The following CDH13 variants were observed in gnomAD, a reference collection of about 807,000 sequenced individuals.
The protein encoded by CDH13 is cadherin-13.
CDH13 carries 24 observed loss-of-function variants against 63.8 expected under a neutral mutation model. That is an observed-to-expected ratio of 0.38 (90% CI 0.27 to 0.53). CDH13 has a LOEUF of 0.53. CDH13 is among the 20% of genes least tolerant of loss of function. The pLI is 0.85. For synonymous variants in CDH13, 503 were observed against 355.3 expected (o/e 1.42, Z -4.67); for missense variants, 1,049 against 903.1 (o/e 1.16, Z -2.07).
chr16:83,409,100 C>T (rs1243806314), intron 6 of CDH13, among the ~76,000 whole-genome samples: 1 of 151,916 alleles, frequency 6.6e-6, no homozygotes, highest in Non-Finnish European at 1.5e-5. Context: ...CAGGAAACAC[C>T]AGTAGAAAAG....
intron 7 of CDH13, among the ~76,000 whole-genome samples, chr16:83,538,840 C>G (rs1354086765): frequency 6.6e-6 from 1 of 152,144 alleles, no homozygotes; most frequent in Non-Finnish European, 1.5e-5. Context: ...AGTGGAATTC[C>G]TGGTTGAAAG....
chr16:82,783,703 T>C (rs1459335608), intron 1 of CDH13, among the ~76,000 whole-genome samples: 2 of 152,212 alleles, frequency 1.3e-5, no homozygotes, highest in Non-Finnish European at 2.9e-5. Flanking sequence ...TACATATGTA[T>C]TGCTTTGGGA....
intron 1 of CDH13, among the ~76,000 whole-genome samples, chr16:82,675,198 A>T (rs1274193462): frequency 6.6e-6 from 1 of 152,152 alleles, no homozygotes; most frequent in Non-Finnish European, 1.5e-5. Flanking sequence ...TTAGAGGGAG[A>T]TAATTTCATC....
At chr16:82,744,569 C>T (rs2034074866) in intron 1 of CDH13, among the ~76,000 whole-genome samples, 1 of 152,090 alleles carries the variant, frequency 6.6e-6, no homozygotes, top group South Asian at 2.1e-4. Flanking sequence ...TCCCTTTCCC[C>T]TCAGTTCCTG....
intron 1 of CDH13, among the ~76,000 whole-genome samples, chr16:82,845,562 A>G (rs549132090): frequency 6.6e-5 from 10 of 151,824 alleles, no homozygotes; most frequent in Non-Finnish European, 1.5e-4. Flanking sequence ...ACTGTTTCCC[A>G]TCTTTTGTCT....
chr16:83,689,541 A>G (rs1333628033), intron 10 of CDH13, among the ~76,000 whole-genome samples: 1 of 152,224 alleles, frequency 6.6e-6, no homozygotes, highest in Non-Finnish European at 1.5e-5. Flanking sequence ...CTAATTCAAG[A>G]AATGCATTTC....
intron 10 of CDH13, among the ~76,000 whole-genome samples, chr16:83,719,269 C>A (rs538587868): frequency 1.3e-5 from 2 of 152,158 alleles, no homozygotes; most frequent in African/African-American, 2.4e-5. Flanking sequence ...TAATGTCTGT[C>A]CACTGTTGAG....
chr16:83,348,227 G>C (rs1472285774), intron 6 of CDH13, among the ~76,000 whole-genome samples: 1 of 152,084 alleles, frequency 6.6e-6, no homozygotes, highest in Non-Finnish European at 1.5e-5. Context: ...TGACCCACTG[G>C]GTCTGCTCTC....
intron 2 of CDH13, among the ~76,000 whole-genome samples, chr16:82,963,753 T>A (rs115951928): frequency 6.6e-6 from 1 of 152,150 alleles, no homozygotes; most frequent in Non-Finnish European, 1.5e-5. Context: ...TTACTCTGCA[T>A]GTGTTAGTGA....
At chr16:82,789,668 G>A (rs946594817) in intron 1 of CDH13, among the ~76,000 whole-genome samples, 1 of 152,164 alleles carries the variant, frequency 6.6e-6, no homozygotes, top group Admixed American at 6.5e-5. Context: ...TTTTAATCAA[G>A]GGAGTGTCAA....
chr16:83,579,580 C>T (rs538195653), intron 7 of CDH13, among the ~76,000 whole-genome samples: 1 of 152,074 alleles, frequency 6.6e-6, no homozygotes, highest in Non-Finnish European at 1.5e-5. Flanking sequence ...ATCCAGTCAC[C>T]TCCCACCAGG....
At position 83,412,783 on chromosome 16, in the gene CDH13, C is replaced by T. The variant is rs80029879; in HGVS notation, c.781+67777C>T. Among the ~76,000 whole-genome samples, 1,443 of 152,314 alleles carry T rather than the reference C, an allele frequency of 9.5e-3. 26 individuals carry two copies. The highest frequency in any genetic ancestry group is 0.033 in the African/African-American group (1,363 of 41,550). On this transcript the variant is annotated intron_variant, in intron 6 of 13. Transcript: ENST00000567109. ...TGAAAGTGGAACAATTCCACGTGCACATAAGCCATGCATTTACGATTTCAG... is the reference window on the plus strand; with the variant it reads ...TGAAAGTGGAACAATTCCACGTGCATATAAGCCATGCATTTACGATTTCAG...
At chr16:83,099,091 C>T (rs2034347027) in intron 3 of CDH13, among the ~76,000 whole-genome samples, 1 of 152,034 alleles carries the variant, frequency 6.6e-6, no homozygotes, top group Non-Finnish European at 1.5e-5. Context: ...CCCACACACA[C>T]ATACATAAAG....
intron 7 of CDH13, among the ~76,000 whole-genome samples, chr16:83,543,801 A>C (rs2075335662): frequency 6.6e-6 from 1 of 152,224 alleles, no homozygotes; most frequent in Non-Finnish European, 1.5e-5. Flanking sequence ...CACAGTTCTC[A>C]TCGCTACAGA....
At chr16:83,254,365 T>G (rs1312346650) in intron 5 of CDH13, among the ~76,000 whole-genome samples, 1 of 152,206 alleles carries the variant, frequency 6.6e-6, no homozygotes, top group Non-Finnish European at 1.5e-5. Flanking sequence ...CAGAGTGTCT[T>G]CAGACCTAAG....
At chr16:83,214,561 C>G (rs1348481431) in intron 4 of CDH13, among the ~76,000 whole-genome samples, 1 of 99,052 alleles carries the variant, frequency 1.0e-5, no homozygotes, top group Non-Finnish European at 1.8e-5. Context: ...GCCTGGGTGA[C>G]AGAGTGAGAC....
chr16:82,927,428 A>G (rs1597229272), intron 2 of CDH13, among the ~76,000 whole-genome samples: 1 of 152,178 alleles, frequency 6.6e-6, no homozygotes, highest in East Asian at 1.9e-4. Flanking sequence ...ATGTTTTACC[A>G]TCTTCATAAT....
intron 5 of CDH13, among the ~76,000 whole-genome samples, chr16:83,247,337 C>G (rs1348628516): frequency 6.6e-6 from 1 of 152,126 alleles, no homozygotes; most frequent in African/African-American, 2.4e-5. Flanking sequence ...GTGAGGAACT[C>G]AGTGGCTGAG....
chr16:82,817,506 T>C (rs1048841007), intron 1 of CDH13, among the ~76,000 whole-genome samples: 5 of 152,264 alleles, frequency 3.3e-5, no homozygotes, highest in Admixed American at 1.3e-4. Flanking sequence ...CACACACATA[T>C]ATACATACAA....
Sources: gnomAD v4.1 joint callset for allele counts (sites outside exome capture counted in the v4.1 genomes callset) on GRCh38, gnomAD v4.1.1 for gene constraint, MANE v1.5 for transcripts, NCBI Gene and HGNC (gene_info 2026-07-23, HGNC 2026-07-21) for gene names.